The following TNRC6C variants were observed in gnomAD, a reference collection of about 807,000 sequenced individuals.
The protein encoded by TNRC6C is trinucleotide repeat containing adaptor 6C.
TNRC6C carries 20 observed loss-of-function variants against 153.7 expected under a neutral mutation model. That is an observed-to-expected ratio of 0.13 (90% CI 0.09 to 0.19). The LOEUF (loss-of-function observed/expected upper bound fraction) is 0.19. Ranked by LOEUF, TNRC6C falls within the 10% of genes least tolerant of loss-of-function variation. The pLI is 1.00. For missense variants in TNRC6C, 1,987 were observed against 2,172.0 expected (o/e 0.91, Z 1.69); for synonymous variants, 811 against 841.4 (o/e 0.96, Z 0.63).
At chr17:78,100,021 T>C (rs1567968232) in intron 17 of TNRC6C, among the ~76,000 whole-genome samples, 1 of 152,210 alleles carries the variant, frequency 6.6e-6, no homozygotes, top group Non-Finnish European at 1.5e-5. Context: ...TCCAAAATGA[T>C]CTTTGACTTC....
At chr17:78,026,073 AG>A (rs1205347145) in intron 1 of TNRC6C, among the ~76,000 whole-genome samples, 5 of 151,150 alleles carry the variant, frequency 3.3e-5, no homozygotes, top group African/African-American at 1.2e-4. Flanking sequence ...CAAGTTTTTG[AG>A]GTCTCTAGCC....
Position 77,959,599 on chromosome 17 carries a change from G to A in TNRC6C, c.-38+331G>A, listed in dbSNP as rs957033632. The stretch of plus-strand genomic sequence containing the variant: ...TTCGGTCCTTTCCGGGCAGCCCCCC[G>A]CAGATTTTGCACTGGTGATGGCAGG... On this transcript the variant is annotated intron_variant, in intron 1 of 22. Transcript: ENST00000636222. Among the ~76,000 whole-genome samples the A allele has an allele frequency of 5.3e-5, 8 of 152,234 alleles. No individual in the cohort carries two copies. The South Asian group carries it at 1.5e-3, about 28-fold the overall frequency.
intron 1 of TNRC6C, among the ~76,000 whole-genome samples, chr17:77,961,662 A>G (rs2070863976): frequency 6.6e-6 from 1 of 152,192 alleles, no homozygotes; most frequent in Non-Finnish European, 1.5e-5. Context: ...ATGTCTTAAC[A>G]CTAACATCAT....
At chr17:77,986,426 A>AAAAAAAG (rs111490213) in intron 1 of TNRC6C, among the ~76,000 whole-genome samples, 2 of 141,038 alleles carry the variant, frequency 1.4e-5, no homozygotes, top group Non-Finnish European at 3.0e-5. Flanking sequence ...AAAAAAAAAA[A>AAAAAAAG]AAGAAGAAGA....
In TNRC6C at chr17:78,015,269, T is replaced by C. The variant is rs183102039; in HGVS notation, c.-546+10190T>C. Among the ~76,000 whole-genome samples, 213 of 152,320 alleles carry C rather than the reference T, an allele frequency of 1.4e-3. 1 individual carries two copies. The highest frequency in any genetic ancestry group is 4.9e-3 in the African/African-American group (203 of 41,564). ...ATGACATCAGTCATAGGACATATCA[T>C]CTATTCAATAACGTCCTGTTGACAG... On this transcript the variant is annotated intron_variant, in intron 1 of 19. Transcript: ENST00000301624.
chr17:78,061,880 C>T (rs1598745980), intron 3 of TNRC6C, among the ~76,000 whole-genome samples: 1 of 152,220 alleles, frequency 6.6e-6, no homozygotes, highest in East Asian at 1.9e-4. Flanking sequence ...ACTATGCTTA[C>T]CACAATCTTA....
At chr17:77,992,722 G>A (rs935941691) in intron 1 of TNRC6C, among the ~76,000 whole-genome samples, 5 of 152,152 alleles carry the variant, frequency 3.3e-5, no homozygotes, top group Non-Finnish European at 7.3e-5. Context: ...TGACTACGTC[G>A]CCTGTGTGAG....
exon 3 of TNRC6C, chr17:78,050,810 G>A (rs2072514135): frequency 6.2e-7 from 1 of 1,613,376 alleles, no homozygotes. Context: ...CAACACTGGG[G>A]AGATGGACAA....
chr17:78,013,710 C>A (rs1197942891), intron 1 of TNRC6C, among the ~76,000 whole-genome samples: 1 of 151,976 alleles, frequency 6.6e-6, no homozygotes, highest in African/African-American at 2.4e-5. Context: ...TGGAAGGTAT[C>A]ATTGAATCTG....
At chr17:77,980,241 AACCTGCACATCCTGCGCATGT>A (rs1206152040) in intron 1 of TNRC6C, among the ~76,000 whole-genome samples, 1 of 152,236 alleles carries the variant, frequency 6.6e-6, no homozygotes, top group African/African-American at 2.4e-5. Flanking sequence ...TTACCTGTGT[AACCTGCACATCCTGCGCATGT>A]ACCTGGAACT....
intron 1 of TNRC6C, among the ~76,000 whole-genome samples, chr17:78,011,570 T>C (rs527827137): frequency 7.2e-5 from 11 of 152,368 alleles, no homozygotes; most frequent in African/African-American, 2.4e-4. Flanking sequence ...CAGCTATTTA[T>C]CCTCTTCATT....
chr17:78,066,226 CA>C (rs112398196), intron 4 of TNRC6C: 32,661 of 116,210 alleles, frequency 0.28, 4,229 homozygotes, highest in African/African-American at 0.44. Context: ...GACTCCATCT[CA>C]AAAAAAAAAA....
chr17:78,012,041 A>G (rs915548283), intron 1 of TNRC6C: 3 of 151,670 alleles, frequency 2.0e-5, no homozygotes, highest in African/African-American at 7.3e-5. Flanking sequence ...AGAGTTGGGC[A>G]GAAAGACTCA....
chr17:78,037,936 G>C (rs1280090874), intron 2 of TNRC6C, among the ~76,000 whole-genome samples: 1 of 152,130 alleles, frequency 6.6e-6, no homozygotes, highest in Non-Finnish European at 1.5e-5. Context: ...TGTTTCTAGG[G>C]CAGGAGTAAA....
chr17:78,071,180 A>C lies in TNRC6C; in HGVS notation c.2859+15A>C. On this transcript the variant is annotated intron_variant, in intron 6 of 19. Transcript: ENST00000301624. ...TGGGCTTCCCGGTAACTGGCGTCGT[A>C]GTTTACTGCTACCCACCATGCTTCC... The C allele has an allele frequency of 1.9e-6, 3 of 1,588,438 alleles. No individual in the cohort carries two copies. The highest frequency in any genetic ancestry group is 2.6e-6 in the Non-Finnish European group (3 of 1,166,944).
At chr17:78,064,878 C>A in exon 4 of TNRC6C, 1 of 1,612,108 alleles carries the variant, frequency 6.2e-7, no homozygotes, top group Admixed American at 1.7e-5. Context: ...CCTGCAGAGC[C>A]GCCGGTGGCA....
intron 1 of TNRC6C, among the ~76,000 whole-genome samples, chr17:77,974,407 C>T (rs937979042): frequency 2.0e-5 from 3 of 152,030 alleles, no homozygotes. Context: ...CTTTTGTTGG[C>T]ATAAAGTTGT....
intron 10 of TNRC6C, among the ~76,000 whole-genome samples, chr17:78,082,113 G>A (rs998890833): frequency 1.3e-5 from 2 of 150,764 alleles, no homozygotes; most frequent in Non-Finnish European, 2.9e-5. Context: ...GTGCAACAGG[G>A]CTCTTTCTTT....
intron 1 of TNRC6C, among the ~76,000 whole-genome samples, chr17:78,023,240 C>T (rs189306225): frequency 5.3e-5 from 8 of 152,296 alleles, no homozygotes; most frequent in African/African-American, 1.9e-4. Flanking sequence ...TTTTGGCATC[C>T]AAGGGGGTTT....
Sources: allele counts gnomAD v4.1 joint callset (sites outside exome capture counted in the v4.1 genomes callset), GRCh38; gene constraint gnomAD v4.1.1; transcripts MANE v1.5; gene names NCBI Gene and HGNC (gene_info 2026-07-23, HGNC 2026-07-21).